Variants in STK35 observed in about 807,000 individuals in gnomAD.
STK35 encodes the protein serine/threonine kinase 35.
Under a neutral mutation model 37.3 loss-of-function variants are expected in STK35, and 17 were observed. The ratio of observed to expected loss-of-function variants is 0.46; its 90% CI spans 0.31 to 0.68. The LOEUF (loss-of-function observed/expected upper bound fraction) is 0.68. Ranked by LOEUF, STK35 falls within the 30% of genes least tolerant of loss-of-function variation. The pLI, the probability that STK35 is intolerant of heterozygous loss-of-function variation, is 0.05. For synonymous variants in STK35, 385 were observed against 319.1 expected (o/e 1.21, Z -2.20); for missense variants, 595 against 746.7 (o/e 0.80, Z 2.37).
chr20:2,142,898 C>T (rs1008303367), intron 3 of STK35, among the ~76,000 whole-genome samples: 15 of 152,202 alleles, frequency 9.9e-5, no homozygotes, highest in African/African-American at 2.4e-4. Context: ...TCTCTGTGGG[C>T]CCTTGTATTC....
intron 3 of STK35, among the ~76,000 whole-genome samples, chr20:2,129,966 G>A (rs951517035): frequency 6.6e-6 from 1 of 152,080 alleles, no homozygotes; most frequent in African/African-American, 2.4e-5. Context: ...TAGGGGAGAT[G>A]GTGAAGTGGG....
intron 2 of STK35, among the ~76,000 whole-genome samples, chr20:2,114,737 G>A (rs1350225086): frequency 6.6e-6 from 1 of 152,064 alleles, no homozygotes; most frequent in Admixed American, 6.5e-5. Context: ...AGTCTGTTTT[G>A]CAGACTTGTT....
At chr20:2,107,807 G>C (rs1221901492) in intron 2 of STK35, among the ~76,000 whole-genome samples, 2 of 152,158 alleles carry the variant, frequency 1.3e-5, no homozygotes, top group African/African-American at 4.8e-5. Context: ...TGTGGCTTGG[G>C]TCTCAGAGTT....
At chr20:2,125,101 C>T (rs958231814) in intron 3 of STK35, among the ~76,000 whole-genome samples, 6 of 152,200 alleles carry the variant, frequency 3.9e-5, no homozygotes, top group African/African-American at 1.4e-4. Flanking sequence ...TCCTCCATGG[C>T]CTCCTTGGTG....
At chr20:2,108,643 C>G (rs1387933671) in intron 2 of STK35, among the ~76,000 whole-genome samples, 2 of 152,202 alleles carry the variant, frequency 1.3e-5, no homozygotes, top group Non-Finnish European at 2.9e-5. Context: ...CTCTGCTCTA[C>G]TCTTGAATGA....
rs6035685 is a variant in STK35, at chr20:2,146,963, A to T, written c.*3217A>T. 2 of 152,402 alleles carry T rather than the reference A, an allele frequency of 1.3e-5. No homozygotes were observed. Among genetic ancestry groups the T allele is most frequent in the African/African-American group, 4.8e-5 (2 of 41,374 alleles). 9.4% of individuals were successfully genotyped at this position (152,402 alleles called of 1,614,324 possible). On this transcript the variant is annotated 3_prime_UTR_variant, in exon 4 of 4. Coordinates refer to ENST00000381482, the MANE Select transcript of STK35 (RefSeq NM_080836.4). ...CCTCGTCTCGTCCCAGAGGCATTGG[A>T]TCAGGAGAATGGGAATTTTTTTCCT...
chr20:2,126,933 G>A (rs1985916393), intron 3 of STK35, among the ~76,000 whole-genome samples: 1 of 152,236 alleles, frequency 6.6e-6, no homozygotes, highest in South Asian at 2.1e-4. Flanking sequence ...ATGGATTAGG[G>A]CCACCCAGGC....
rs778805292 is a variant in STK35, at chr20:2,117,597, A to G, written c.*37+182A>G. 6.6e-5 allele frequency among the ~76,000 whole-genome samples: 10 copies of G among 152,190 alleles called. No homozygotes were observed. Among genetic ancestry groups the G allele is most frequent in the Non-Finnish European group, 1.5e-4 (10 of 68,036 alleles). On this transcript the variant is annotated intron_variant, in intron 3 of 3. Transcript: ENST00000381482. The surrounding 1 kb of genome is among the most constrained non-coding windows in gnomAD (Gnocchi z 4.4). ...GTAGCTGGGATTACAGGCACCTGCCATCATGCCCGGCTAATTTTTGTATTT... is the reference window on the plus strand; with the variant it reads ...GTAGCTGGGATTACAGGCACCTGCCGTCATGCCCGGCTAATTTTTGTATTT...
intron 2 of STK35, among the ~76,000 whole-genome samples, chr20:2,112,843 T>TA (rs1985645986): frequency 6.6e-6 from 1 of 152,360 alleles, no homozygotes; most frequent in African/African-American, 2.4e-5. Flanking sequence ...ACTGTCAGAT[T>TA]ATACCAGACA....
rs189156975 is a variant in STK35 at position 2,102,971 on chromosome 20, G to A, written c.498G>A (p.Pro166=). 5.4e-5 allele frequency: 77 copies of A among 1,424,214 alleles called. No individual in the cohort carries two copies. In the Middle Eastern group the frequency reaches 6.9e-4, roughly 13 times the overall value. The allele number at this position is 1,424,214 out of a possible 1,614,324, so 88.2% of individuals were successfully genotyped here. The change falls in exon 2 of 4, where the codon CCG becomes CCA. Residue 166 remains proline, a synonymous_variant. Transcript: ENST00000381482. ...VPRAPSTKLR[P]AAAARAMDPV... Reference sequence around the variant, plus strand: ...GGGCGCCCAGCACGAAGCTGAGGCCGGCGGCGGCGGCCCGGGCCATGGATC... The same window carrying A: ...GGGCGCCCAGCACGAAGCTGAGGCCAGCGGCGGCGGCCCGGGCCATGGATC...
intron 3 of STK35, among the ~76,000 whole-genome samples, chr20:2,130,501 A>G (rs1985981340): frequency 6.6e-6 from 1 of 152,146 alleles, no homozygotes; most frequent in Admixed American, 6.5e-5. Context: ...TTTAGAGCTG[A>G]AAACCTGTGC....
chr20:2,123,362 G>A (rs1294027446), intron 3 of STK35, among the ~76,000 whole-genome samples: 1 of 152,134 alleles, frequency 6.6e-6, no homozygotes, highest in East Asian at 1.9e-4. Context: ...CCTGGCCTGG[G>A]GTCCAAAGAT....
At chr20:2,103,452 C>T (rs1985449390) in intron 2 of STK35, 87 bp downstream of exon 2, 1 of 1,321,462 alleles carries the variant, frequency 7.6e-7, no homozygotes, top group Non-Finnish European at 1.0e-6. Flanking sequence ...CCTGGCCTTC[C>T]TAGGCCTCAG....
At chr20:2,120,685 C>T (rs145022821) in intron 3 of STK35, among the ~76,000 whole-genome samples, 15 of 152,350 alleles carry the variant, frequency 9.8e-5, no homozygotes, top group African/African-American at 3.6e-4. Flanking sequence ...ATTCATTCAA[C>T]ATGTTCTTTG....
At chr20:2,106,973 C>T (rs979483826) in intron 2 of STK35, among the ~76,000 whole-genome samples, 2 of 152,162 alleles carry the variant, frequency 1.3e-5, no homozygotes, top group Non-Finnish European at 2.9e-5. Flanking sequence ...GCCTCCCAGG[C>T]TTTTTAAAAC....
At chr20:2,143,165 C>T (rs984373158) in intron 3 of STK35, among the ~76,000 whole-genome samples, 3 of 152,184 alleles carry the variant, frequency 2.0e-5, no homozygotes, top group African/African-American at 7.2e-5. Context: ...CCAGAGCCCT[C>T]GTTCTTAACC....
intron 3 of STK35, among the ~76,000 whole-genome samples, chr20:2,135,315 G>A (rs1986068075): frequency 6.6e-6 from 1 of 152,182 alleles, no homozygotes; most frequent in African/African-American, 2.4e-5. Flanking sequence ...GGTGGCAGGG[G>A]GTGGCTAGGT....
At chr20:2,118,832 T>C (rs898685779) in intron 3 of STK35, among the ~76,000 whole-genome samples, 1 of 152,264 alleles carries the variant, frequency 6.6e-6, no homozygotes, top group Non-Finnish European at 1.5e-5. Flanking sequence ...CCTATAGTAT[T>C]CAGTACAGTA....
rs776232265 is a variant in STK35, at chr20:2,102,830, G to A, written c.357G>A (p.Gly119=). ...CCGGACGGAGGGATGAGGCAGGGGG[G>A]GCCCGGGCAGCGCCGTTGCTGCTCC... ...PRAGRRDEAG[G]ARAAPLLLPP... is the part of the protein sequence containing the mutation. The change falls in exon 2 of 4, where the codon GGG becomes GGA. Residue 119 remains glycine, a synonymous_variant. Coordinates refer to ENST00000381482, the MANE Select transcript of STK35 (RefSeq NM_080836.4). 1 of 1,530,726 alleles carries A rather than the reference G, an allele frequency of 6.5e-7. No homozygotes were observed. The highest frequency in any genetic ancestry group is 8.7e-7 in the Non-Finnish European group (1 of 1,145,842). The allele number at this position is 1,530,726 out of a possible 1,614,324, so 94.8% of individuals were successfully genotyped here.
Sources: gnomAD v4.1 joint callset for allele counts (sites outside exome capture counted in the v4.1 genomes callset) on GRCh38, gnomAD v4.1.1 for gene constraint, Gnocchi (gnomAD v3.1) non-coding constraint, MANE v1.5 for transcripts, NCBI Gene and HGNC (gene_info 2026-07-23, HGNC 2026-07-21) for gene names.